The following RSF1 variants were observed in gnomAD, a reference collection of about 807,000 sequenced individuals.
The protein encoded by RSF1 is remodeling and spacing factor 1, also known as HBV pX-associated protein 8.
RSF1 carries 13 observed loss-of-function variants against 145.2 expected under a neutral mutation model. That is an observed-to-expected ratio of 0.09 (90% CI 0.06 to 0.14). The LOEUF (loss-of-function observed/expected upper bound fraction) is 0.14. Ranked by LOEUF, RSF1 falls within the 10% of genes least tolerant of loss-of-function variation. RSF1 has a pLI of 1.00. For synonymous variants in RSF1, 577 were observed against 592.6 expected (o/e 0.97, Z 0.38); for missense variants, 1,517 against 1,718.2 (o/e 0.88, Z 2.07).
chr11:77,716,015 A>G (rs914504844), intron 5 of RSF1, among the ~76,000 whole-genome samples: 1 of 152,182 alleles, frequency 6.6e-6, no homozygotes, highest in Non-Finnish European at 1.5e-5. Context: ...AGTATCAAAA[A>G]ATGTTCAATC....
chr11:77,870,323 T>G, the RSF1 span, among the ~76,000 whole-genome samples: 1 of 149,196 alleles, frequency 6.7e-6, no homozygotes, highest in South Asian at 2.1e-4. Context: ...TCTGGCCTAT[T>G]TTTTAATTTT....
intron 5 of RSF1, among the ~76,000 whole-genome samples, chr11:77,725,121 A>G (rs1961022902): frequency 6.6e-6 from 1 of 152,208 alleles, no homozygotes; most frequent in African/African-American, 2.4e-5. Context: ...CAGAGCTTTA[A>G]CTGAGAAAGA....
the RSF1 span, among the ~76,000 whole-genome samples, chr11:77,842,293 T>C: frequency 6.6e-6 from 1 of 152,210 alleles, no homozygotes; most frequent in Non-Finnish European, 1.5e-5. Context: ...CTGGTTTCTA[T>C]GGTTGGATGA....
chr11:77,738,711 C>T (rs913898701), intron 4 of RSF1: 2 of 152,170 alleles, frequency 1.3e-5, no homozygotes, highest in African/African-American at 4.8e-5. Context: ...GACGGAGCCT[C>T]GCTGTGTTGC....
rs1231354691 is a variant in RSF1, at chr11:77,662,381, C to G, written c.*4536G>C. ...AATTGGATCCTCTTCTAATCGACTT[C>G]CAGGAGGGTTTGCATGAATGAATAC... On this transcript the variant is annotated 3_prime_UTR_variant, in exon 16 of 16. Transcript: ENST00000308488. The G allele has an allele frequency of 6.6e-6, 1 of 151,960 alleles. No individual in the cohort carries two copies. Among genetic ancestry groups the G allele is most frequent in the Non-Finnish European group, 1.5e-5 (1 of 67,954 alleles). 9.4% of individuals were successfully genotyped at this position (151,960 alleles called of 1,614,324 possible).
the RSF1 span, among the ~76,000 whole-genome samples, chr11:77,839,087 A>T: frequency 1.3e-5 from 2 of 152,090 alleles, no homozygotes; most frequent in Non-Finnish European, 2.9e-5. Context: ...GTCTTTGCTA[A>T]ATGTCAGACT....
chr11:77,841,205 G>T, the RSF1 span: 1 of 702,304 alleles, frequency 1.4e-6, no homozygotes, highest in Non-Finnish European at 2.6e-6. Flanking sequence ...GAACCCTCAT[G>T]GCCTAATCAG....
chr11:77,806,237 A>G (rs1448732303), intron 1 of RSF1, among the ~76,000 whole-genome samples: 2 of 152,104 alleles, frequency 1.3e-5, no homozygotes, highest in Admixed American at 1.3e-4. Context: ...AAAAAAAAAA[A>G]GGTAAATAAC....
At chr11:77,709,757 G>A (rs936744395) in intron 5 of RSF1, among the ~76,000 whole-genome samples, 3 of 151,844 alleles carry the variant, frequency 2.0e-5, no homozygotes, top group East Asian at 1.9e-4. Context: ...CCAGGCTAGA[G>A]TGCACTGGTA....
intron 1 of RSF1, among the ~76,000 whole-genome samples, chr11:77,783,715 G>A (rs561562955): frequency 2.0e-5 from 3 of 152,010 alleles, no homozygotes; most frequent in East Asian, 1.9e-4. Context: ...AATGGTGTGC[G>A]TCAGGAGTCC....
the RSF1 span, among the ~76,000 whole-genome samples, chr11:77,845,582 C>T: frequency 1.4e-3 from 206 of 152,158 alleles, 1 homozygote; most frequent in African/African-American, 3.3e-3. Context: ...AGGTGCACCC[C>T]ACCATGTCCA....
chr11:77,806,329 T>C (rs1565186673), intron 1 of RSF1, among the ~76,000 whole-genome samples: 1 of 152,004 alleles, frequency 6.6e-6, no homozygotes, highest in Non-Finnish European at 1.5e-5. Context: ...ACTCAGAGGA[T>C]TCAAATAAAA....
intron 4 of RSF1, among the ~76,000 whole-genome samples, chr11:77,736,226 C>T (rs1961349143): frequency 6.6e-6 from 1 of 152,184 alleles, no homozygotes; most frequent in Non-Finnish European, 1.5e-5. Flanking sequence ...GTTCTGCTTC[C>T]CCATAATTTG....
chr11:77,865,737 A>G, the RSF1 span, among the ~76,000 whole-genome samples: 1 of 152,222 alleles, frequency 6.6e-6, no homozygotes, highest in Non-Finnish European at 1.5e-5. Context: ...ACTAATAAAG[A>G]AGCACATATA....
At chr11:77,772,753 T>A (rs1948299685) in intron 1 of RSF1, among the ~76,000 whole-genome samples, 1 of 150,080 alleles carries the variant, frequency 6.7e-6, no homozygotes, top group Non-Finnish European at 1.5e-5. Flanking sequence ...GATAATACCA[T>A]CTTAGAATTT....
intron 2 of RSF1, chr11:77,763,401 C>T (rs953478733): frequency 2.0e-5 from 3 of 149,788 alleles, no homozygotes; most frequent in African/African-American, 4.9e-5. Flanking sequence ...ACACAAAAGA[C>T]AAATGTGAGG....
At chr11:77,788,142 CAAAAAAA>C (rs66595170) in intron 1 of RSF1, among the ~76,000 whole-genome samples, 14 of 3,404 alleles carry the variant, frequency 4.1e-3, no homozygotes, top group Non-Finnish European at 9.6e-3. Context: ...GACACTATCT[CAAAAAAA>C]AAAAAAAAAA....
At chr11:77,692,778 A>G (rs1960188660) in intron 8 of RSF1, among the ~76,000 whole-genome samples, 1 of 151,018 alleles carries the variant, frequency 6.6e-6, no homozygotes, top group Non-Finnish European at 1.5e-5. Context: ...CCCGGGTTCA[A>G]TCGATTCTCC....
rs1187917154 is a variant in RSF1 at position 77,665,527 on chromosome 11, T to A, written c.*1390A>T. ...AGTTCATATTTTAGTGTCAATTACA[T>A]GTTAGGTATTTAGTTAGTTACAAAC... On this transcript the variant is annotated 3_prime_UTR_variant, in exon 16 of 16. Coordinates refer to ENST00000308488, the MANE Select transcript of RSF1 (RefSeq NM_016578.4). 6.6e-6 allele frequency: 1 copy of A among 151,900 alleles called. No individual in the cohort carries two copies. The highest frequency in any genetic ancestry group is 1.5e-5 in the Non-Finnish European group (1 of 68,036). The allele number at this position is 151,900 out of a possible 1,614,324, so 9.4% of individuals were successfully genotyped here.
Sources: gnomAD v4.1 joint callset for allele counts (sites outside exome capture counted in the v4.1 genomes callset) on GRCh38, gnomAD v4.1.1 for gene constraint, MANE v1.5 for transcripts, NCBI Gene and HGNC (gene_info 2026-07-23, HGNC 2026-07-21) for gene names.